Variants in NXPE4 observed in about 807,000 individuals in gnomAD.
The protein encoded by NXPE4 is NXPE family member 4.
Under a neutral mutation model 33.3 loss-of-function variants are expected in NXPE4, and 42 were observed. That is an observed-to-expected ratio of 1.26 (90% CI 0.98 to 1.63). NXPE4 has a LOEUF of 1.63. Among genes scored for constraint, NXPE4 ranks in the 40% most tolerant of loss-of-function variants. The pLI is 0.00. For synonymous variants in NXPE4, 253 were observed against 234.9 expected (o/e 1.08, Z -0.71); for missense variants, 709 against 647.6 (o/e 1.09, Z -1.03).
chr11:114,668,390 G>A, the NXPE4 span, among the ~76,000 whole-genome samples: 1 of 151,786 alleles, frequency 6.6e-6, no homozygotes, highest in Non-Finnish European at 1.5e-5. Flanking sequence ...GATAATAAAT[G>A]TTTATTGTTT....
upstream of NXPE4, among the ~76,000 whole-genome samples, chr11:114,595,917 T>C (rs1949566386): frequency 6.6e-6 from 1 of 152,152 alleles, no homozygotes; most frequent in Non-Finnish European, 1.5e-5. Flanking sequence ...TCCTGAAGTT[T>C]TATAAGTCTA....
chr11:114,641,756 C>A, the NXPE4 span, among the ~76,000 whole-genome samples: 4 of 152,128 alleles, frequency 2.6e-5, no homozygotes, highest in African/African-American at 9.6e-5. Context: ...CGTTCTAGTA[C>A]ATTTGATCAA....
At chr11:114,595,315 A>T (rs890915751) in intron 1 of NXPE4, among the ~76,000 whole-genome samples, 1 of 152,194 alleles carries the variant, frequency 6.6e-6, no homozygotes, top group South Asian at 2.1e-4. Flanking sequence ...TACTTAAAAA[A>T]ATTTCAGGCT....
chr11:114,633,596 A>G, the NXPE4 span, among the ~76,000 whole-genome samples: 29 of 151,492 alleles, frequency 1.9e-4, no homozygotes, highest in South Asian at 4.0e-3. Flanking sequence ...TATATCTCAT[A>G]ATGCTATCCC....
chr11:114,606,480 G>C, the NXPE4 span, among the ~76,000 whole-genome samples: 12 of 151,442 alleles, frequency 7.9e-5, no homozygotes, highest in African/African-American at 2.9e-4. Context: ...GGTAACCACT[G>C]TTCCTTGGTG....
the NXPE4 span, among the ~76,000 whole-genome samples, chr11:114,655,447 T>C: frequency 1.3e-5 from 2 of 152,220 alleles, no homozygotes; most frequent in Non-Finnish European, 2.9e-5. Flanking sequence ...CTAGGGTTTT[T>C]ATGGTTTGAG....
chr11:114,636,059 C>T, the NXPE4 span, among the ~76,000 whole-genome samples: 1 of 149,754 alleles, frequency 6.7e-6, no homozygotes, highest in African/African-American at 2.5e-5. Flanking sequence ...CCTCCTTGTA[C>T]CTCTGGTAGA....
the NXPE4 span, among the ~76,000 whole-genome samples, chr11:114,607,786 G>A: frequency 1.1e-3 from 159 of 150,680 alleles, no homozygotes; most frequent in African/African-American, 3.8e-3. Flanking sequence ...ACTGTTACAC[G>A]GTGGAGAATA....
the NXPE4 span, among the ~76,000 whole-genome samples, chr11:114,631,323 G>A: frequency 1.3e-5 from 2 of 151,638 alleles, no homozygotes; most frequent in African/African-American, 4.8e-5. Flanking sequence ...CACATATACA[G>A]CATGGAATAC....
the NXPE4 span, among the ~76,000 whole-genome samples, chr11:114,661,728 G>C: frequency 6.6e-5 from 10 of 152,150 alleles, no homozygotes; most frequent in Non-Finnish European, 1.3e-4. Flanking sequence ...CAAGGCCACT[G>C]GTGACTTGTC....
chr11:114,632,369 C>A, the NXPE4 span, among the ~76,000 whole-genome samples: 1 of 130,006 alleles, frequency 7.7e-6, no homozygotes, highest in Non-Finnish European at 1.6e-5. Context: ...TTATATATTA[C>A]ATATAGTTAT....
At chr11:114,576,006 T>C (rs185083120) in intron 5 of NXPE4, among the ~76,000 whole-genome samples, 4 of 152,254 alleles carry the variant, frequency 2.6e-5, no homozygotes, top group Admixed American at 1.3e-4. Flanking sequence ...AATAGGCACA[T>C]AGACCAATGG....
chr11:114,614,415 C>T, the NXPE4 span, among the ~76,000 whole-genome samples: 2 of 151,040 alleles, frequency 1.3e-5, no homozygotes, highest in African/African-American at 4.9e-5. Flanking sequence ...CCACTGTTAC[C>T]CAGTGGATAA....
the NXPE4 span, among the ~76,000 whole-genome samples, chr11:114,665,819 A>G: frequency 3.3e-5 from 5 of 152,160 alleles, no homozygotes; most frequent in African/African-American, 1.2e-4. Context: ...CTATCACATT[A>G]CTGTAACTAC....
At chr11:114,632,120 TTATAA>T in the NXPE4 span, among the ~76,000 whole-genome samples, 2 of 144,140 alleles carry the variant, frequency 1.4e-5, no homozygotes, top group African/African-American at 5.0e-5. Context: ...AAATTATATA[TTATAA>T]TAAAATATAT....
rs1387013291 is a variant in NXPE4 at position 114,582,754 on chromosome 11, C to CCAG, written c.361_363dup (p.Leu121dup). ...CTGCGTCCCAAGTGGTCCCTCACCT[C>CCAG]CAGCAGGATGTGCAGCTGGTCTCCC... is the stretch of plus-strand genomic sequence containing the variant. On this transcript the variant is annotated inframe_insertion, in exon 3 of 6. Coordinates refer to ENST00000375478, the MANE Select transcript of NXPE4 (RefSeq NM_001077639.2). 2 of 1,614,186 alleles carry CCAG rather than the reference C, an allele frequency of 1.2e-6. No homozygotes were observed. Among genetic ancestry groups the CCAG allele is most frequent in the East Asian group, 4.5e-5 (2 of 44,886 alleles).
upstream of NXPE4, among the ~76,000 whole-genome samples, chr11:114,596,479 C>T (rs968837824): frequency 2.0e-5 from 3 of 152,144 alleles, no homozygotes; most frequent in Non-Finnish European, 4.4e-5. Flanking sequence ...TCAATCTTTC[C>T]AGTCTTATGT....
chr11:114,578,149 G>T (rs1949058469), intron 5 of NXPE4, among the ~76,000 whole-genome samples: 2 of 152,174 alleles, frequency 1.3e-5, no homozygotes, highest in African/African-American at 4.8e-5. Context: ...ACATGGGATT[G>T]TCTTAGAAGC....
the NXPE4 span, among the ~76,000 whole-genome samples, chr11:114,635,351 G>C: frequency 1.9e-4 from 29 of 150,206 alleles, 1 homozygote; most frequent in Non-Finnish European, 3.6e-4. Context: ...TTATCAGCTT[G>C]AGGAGATTTT....
Sources: allele counts gnomAD v4.1 joint callset (sites outside exome capture counted in the v4.1 genomes callset), GRCh38; gene constraint gnomAD v4.1.1; transcripts MANE v1.5; gene names NCBI Gene and HGNC (gene_info 2026-07-23, HGNC 2026-07-21).